NCOA1: variants seen among roughly 807,000 people sequenced by gnomAD.
NCOA1 encodes the protein Hin-2 protein.
A neutral mutation model predicts 150.9 loss-of-function variants in NCOA1; 35 were observed. That is an observed-to-expected ratio of 0.23 (90% CI 0.18 to 0.31). The LOEUF (loss-of-function observed/expected upper bound fraction) is 0.31, where lower values mean the gene tolerates loss of function less well. Among genes scored for constraint, NCOA1 ranks in the 10% least tolerant of loss-of-function variants. NCOA1 has a pLI of 1.00. For missense variants in NCOA1, 1,491 were observed against 1,749.3 expected, an observed-to-expected ratio of 0.85 and a Z score of 2.63; for synonymous variants, 590 against 630.0, an observed-to-expected ratio of 0.94 and a Z score of 0.95.
At chr2:24,552,345 ATATATATATTTTTTTTTTTTTTTTTTT>A (rs1665880971) in intron 1 of NCOA1, among the ~76,000 whole-genome samples, 1 of 28,912 alleles carries the variant, frequency 3.5e-5, no homozygotes, top group East Asian at 8.7e-4. Flanking sequence ...ATATATATAT[ATATATATATTTTTTTTTTTTTTTTTTT>A]TTTTTTTTTT....
chr2:24,497,354 A>G (rs1663266263), intron 1 of NCOA1, among the ~76,000 whole-genome samples: 1 of 151,862 alleles, frequency 6.6e-6, no homozygotes, highest in South Asian at 2.1e-4. Context: ...GGAGCCATAT[A>G]TACCAGTTAC....
chr2:24,726,508 C>T, intron 14 of NCOA1, 81 bp from the exon 15 acceptor site: 1 of 798,542 alleles, frequency 1.3e-6, no homozygotes, highest in South Asian at 1.9e-5. Context: ...AAATCTCACT[C>T]TCCAATATAT....
chr2:24,596,317 T>C (rs1667882837), intron 3 of NCOA1, among the ~76,000 whole-genome samples: 1 of 152,156 alleles, frequency 6.6e-6, no homozygotes, highest in Admixed American at 6.5e-5. Context: ...TTTAATAATA[T>C]CGGTTTGGTT....
intron 8 of NCOA1, among the ~76,000 whole-genome samples, chr2:24,687,979 C>T (rs1233877645): frequency 2.0e-5 from 3 of 152,202 alleles, no homozygotes; most frequent in Non-Finnish European, 4.4e-5. Context: ...TCATTTAGCT[C>T]ACACTCATAA....
chr2:24,542,399 A>G (rs1665434682), intron 1 of NCOA1, among the ~76,000 whole-genome samples: 1 of 152,244 alleles, frequency 6.6e-6, no homozygotes, highest in East Asian at 1.9e-4. Flanking sequence ...CTTCTATTTA[A>G]TGAAAAATGC....
At chr2:24,656,732 G>A (rs1430682416) in intron 4 of NCOA1, among the ~76,000 whole-genome samples, 1 of 152,144 alleles carries the variant, frequency 6.6e-6, no homozygotes, top group African/African-American at 2.4e-5. Context: ...TCCTGTGGCT[G>A]GCTTATTTCA....
intron 1 of NCOA1, among the ~76,000 whole-genome samples, chr2:24,547,529 G>C (rs1161497776): frequency 6.6e-6 from 1 of 152,176 alleles, no homozygotes; most frequent in Admixed American, 6.5e-5. Context: ...GTAGAGCACA[G>C]TTTAGCAAAG....
intron 1 of NCOA1, among the ~76,000 whole-genome samples, chr2:24,551,472 A>AT (rs964620753): frequency 8.6e-5 from 13 of 151,164 alleles, no homozygotes; most frequent in East Asian, 3.9e-4. Context: ...ATAAAGTGTT[A>AT]TTTTTTTTTC....
intron 13 of NCOA1, 121 bp from the exon 14 acceptor site, chr2:24,710,810 T>C: frequency 1.1e-6 from 1 of 935,480 alleles, no homozygotes; most frequent in South Asian, 1.6e-5. Context: ...TTATTTCTTC[T>C]TTCTTCATTA....
intron 4 of NCOA1, among the ~76,000 whole-genome samples, chr2:24,645,172 T>C (rs56246267): frequency 0.035 from 5,325 of 152,146 alleles, 122 homozygotes; most frequent in East Asian, 0.11. Context: ...ATTCATCTAA[T>C]CTTACTATCT....
At chr2:24,648,279 ATTTT>A (rs35773445) in intron 4 of NCOA1, among the ~76,000 whole-genome samples, 1 of 148,944 alleles carries the variant, frequency 6.7e-6, no homozygotes, top group African/African-American at 2.5e-5. Context: ...TCATATTGTG[ATTTT>A]TTTTTTTTGA....
chr2:24,557,908 AT>A (rs1436530191), intron 1 of NCOA1, among the ~76,000 whole-genome samples: 2 of 151,448 alleles, frequency 1.3e-5, no homozygotes, highest in African/African-American at 4.9e-5. Flanking sequence ...CAGTTTGACT[AT>A]GATATATCCA....
intron 3 of NCOA1, among the ~76,000 whole-genome samples, chr2:24,625,998 T>C (rs1011649264): frequency 6.6e-6 from 1 of 152,230 alleles, no homozygotes; most frequent in Non-Finnish European, 1.5e-5. Flanking sequence ...TATAGTGTTC[T>C]AAAAATGTCA....
At chr2:24,647,932 T>C (rs1480949632) in intron 4 of NCOA1, among the ~76,000 whole-genome samples, 2 of 152,196 alleles carry the variant, frequency 1.3e-5, no homozygotes, top group African/African-American at 2.4e-5. Context: ...GTGTGAGCAT[T>C]CTTTTTATTG....
intron 1 of NCOA1, among the ~76,000 whole-genome samples, chr2:24,544,074 A>C (rs1665505339): frequency 6.6e-6 from 1 of 152,144 alleles, no homozygotes; most frequent in Admixed American, 6.5e-5. Context: ...TGTATTTGAG[A>C]AAGATTTAGG....
intron 1 of NCOA1, among the ~76,000 whole-genome samples, chr2:24,518,486 A>G (rs1664297277): frequency 6.6e-6 from 1 of 152,078 alleles, no homozygotes; most frequent in African/African-American, 2.4e-5. Flanking sequence ...GGAGGTTCTA[A>G]TCTGTATGAT....
chr2:24,573,636 G>A (rs749891298), intron 2 of NCOA1, among the ~76,000 whole-genome samples: 3 of 151,988 alleles, frequency 2.0e-5, no homozygotes, highest in Non-Finnish European at 4.4e-5. Context: ...TCCAGTCAAT[G>A]CAACATTTTA....
At chr2:24,504,359 AC>A (rs551956474) in intron 1 of NCOA1, among the ~76,000 whole-genome samples, 55 of 152,350 alleles carry the variant, frequency 3.6e-4, no homozygotes, top group Admixed American at 3.5e-3. Context: ...AAAGTGTCCC[AC>A]ATCGATTTTT....
intron 21 of NCOA1, 110 bp from the exon 22 acceptor site, chr2:24,762,577 T>C: frequency 1.1e-6 from 1 of 895,722 alleles, no homozygotes. Context: ...CTTTTCATTT[T>C]TGCTGTGCTC....
Sources: gnomAD v4.1 joint callset for allele counts (sites outside exome capture counted in the v4.1 genomes callset) on GRCh38, gnomAD v4.1.1 for gene constraint, MANE v1.5 for transcripts, NCBI Gene and HGNC (gene_info 2026-07-23, HGNC 2026-07-21) for gene names.